The following ARHGAP25 variants were observed in gnomAD, a reference collection of about 807,000 sequenced individuals.
ARHGAP25 encodes the protein rho GTPase-activating protein 25.
A neutral mutation model predicts 71.0 loss-of-function variants in ARHGAP25; 34 were observed. The observed-to-expected ratio is 0.48, with a 90% CI of 0.36 to 0.64. The LOEUF (loss-of-function observed/expected upper bound fraction) is 0.64, where lower values mean the gene tolerates loss of function less well. ARHGAP25 is among the 30% of genes least tolerant of loss of function. ARHGAP25 has a pLI of 0.00. For synonymous variants in ARHGAP25, 282 were observed against 296.5 expected, an observed-to-expected ratio of 0.95 and a Z score of 0.50; for missense variants, 706 against 805.1, an observed-to-expected ratio of 0.88 and a Z score of 1.49.
intron 4 of ARHGAP25, among the ~76,000 whole-genome samples, chr2:68,803,987 T>G (rs989977855): frequency 6.6e-6 from 1 of 152,038 alleles, no homozygotes; most frequent in Non-Finnish European, 1.5e-5. Context: ...AGTGGCCTGA[T>G]GAAGACACGC....
intron 4 of ARHGAP25, among the ~76,000 whole-genome samples, chr2:68,791,351 C>T (rs920855043): frequency 1.3e-5 from 2 of 152,164 alleles, no homozygotes; most frequent in Admixed American, 6.5e-5. Context: ...ATTTATTAAT[C>T]GAATGGGTGA....
At chr2:68,718,449 G>A (rs1674671755) in intron 2 of ARHGAP25, among the ~76,000 whole-genome samples, 1 of 152,058 alleles carries the variant, frequency 6.6e-6, no homozygotes, top group Admixed American at 6.6e-5. Flanking sequence ...AATCCAGCAT[G>A]GCATCCCCAT....
chr2:68,814,322 G>A (rs931727025), intron 6 of ARHGAP25, among the ~76,000 whole-genome samples: 12 of 152,284 alleles, frequency 7.9e-5, no homozygotes, highest in Middle Eastern at 3.4e-3. Context: ...TATCTGCACC[G>A]TTCAATATGG....
At chr2:68,817,110 C>CT (rs201247903) in intron 7 of ARHGAP25, among the ~76,000 whole-genome samples, 1 of 131,022 alleles carries the variant, frequency 7.6e-6, no homozygotes, top group Non-Finnish European at 1.7e-5. Context: ...GGATTGTGTC[C>CT]TTTTTTTTGG....
At chr2:68,746,901 G>T (rs548963448) in intron 1 of ARHGAP25, among the ~76,000 whole-genome samples, 2 of 151,624 alleles carry the variant, frequency 1.3e-5, no homozygotes, top group South Asian at 4.2e-4. Context: ...CCACCTACTC[G>T]GGAGGCTGAG....
intron 3 of ARHGAP25, among the ~76,000 whole-genome samples, chr2:68,784,170 TCTC>T (rs1678561976): frequency 6.6e-6 from 1 of 151,960 alleles, no homozygotes; most frequent in East Asian, 1.9e-4. Flanking sequence ...GCTCTCTCTC[TCTC>T]TTTCTCTCTC....
At chr2:68,737,380 C>T (rs373293543) in intron 1 of ARHGAP25, among the ~76,000 whole-genome samples, 5 of 152,308 alleles carry the variant, frequency 3.3e-5, no homozygotes, top group South Asian at 4.1e-4. Flanking sequence ...GTGGTTTTAA[C>T]GTTTTCTCAA....
chr2:68,811,244 G>A (rs1680792920), intron 5 of ARHGAP25, among the ~76,000 whole-genome samples: 1 of 152,170 alleles, frequency 6.6e-6, no homozygotes, highest in Non-Finnish European at 1.5e-5. Flanking sequence ...GAATTGAAGG[G>A]ATTTGGAAGA....
intron 2 of ARHGAP25, among the ~76,000 whole-genome samples, chr2:68,710,991 C>G (rs1674467105): frequency 6.6e-6 from 1 of 152,170 alleles, no homozygotes; most frequent in Non-Finnish European, 1.5e-5. Context: ...CCACTTCCTC[C>G]CTGGTTGTCT....
chr2:68,802,279 G>A (rs182767932), intron 4 of ARHGAP25, among the ~76,000 whole-genome samples: 55 of 151,950 alleles, frequency 3.6e-4, no homozygotes, highest in Admixed American at 5.9e-4. Context: ...GTGGTGGCAC[G>A]TGCCTGTAGT....
rs369910003 is a variant in ARHGAP25, at chr2:68,770,509, C to A, written c.62-4712C>A. ...AGAGCAGATTATTTTGAGGGTTCAG[C>A]GGCAGAAGATGAAGAAAGGAAGTGA... On this transcript the variant is annotated intron_variant, in intron 1 of 10. Transcript: ENST00000409202. Among the ~76,000 whole-genome samples, 13 of 152,282 alleles carry A rather than the reference C, an allele frequency of 8.5e-5. No homozygotes were observed. In the South Asian group the frequency reaches 2.7e-3, roughly 32 times the overall value.
At chr2:68,769,398 A>G (rs1558624381) in intron 1 of ARHGAP25, among the ~76,000 whole-genome samples, 1 of 152,156 alleles carries the variant, frequency 6.6e-6, no homozygotes, top group South Asian at 2.1e-4. Flanking sequence ...GATGCATGTT[A>G]TTATCACAGC....
rs72901801 is a variant in ARHGAP25, at chr2:68,805,698, G to A, written c.467-1575G>A. 6.3e-3 allele frequency among the ~76,000 whole-genome samples: 966 copies of A among 152,228 alleles called. 8 individuals carry two copies. Among genetic ancestry groups the A allele is most frequent in the African/African-American group, 0.02 (835 of 41,550 alleles). ...CCTACGCTGGGTAGTGGGTAGGAGC[G>A]GAAAAGAACATGAGGGTCAAGAGCC... On this transcript the variant is annotated intron_variant, in intron 4 of 10. Coordinates refer to ENST00000409202, the MANE Select transcript of ARHGAP25 (RefSeq NM_001007231.3).
At chr2:68,757,961 A>G (rs1676581548) in intron 1 of ARHGAP25, among the ~76,000 whole-genome samples, 1 of 152,058 alleles carries the variant, frequency 6.6e-6, no homozygotes, top group East Asian at 1.9e-4. Context: ...TCTGCAACTT[A>G]AAGGGGTGGG....
At chr2:68,788,975 A>G (rs531489823) in intron 4 of ARHGAP25, among the ~76,000 whole-genome samples, 2 of 152,222 alleles carry the variant, frequency 1.3e-5, no homozygotes, top group South Asian at 4.1e-4. Flanking sequence ...TACTGTTTAC[A>G]TCTACACACT....
chr2:68,734,718 T>C (rs1032745052), upstream of ARHGAP25: 1 of 158,094 alleles, frequency 6.3e-6, no homozygotes, highest in Non-Finnish European at 1.4e-5. Flanking sequence ...TAATGTATCA[T>C]CTTCACTGAA....
At chr2:68,718,538 TG>T (rs1674674449) in intron 2 of ARHGAP25, among the ~76,000 whole-genome samples, 1 of 151,966 alleles carries the variant, frequency 6.6e-6, no homozygotes, top group Non-Finnish European at 1.5e-5. Flanking sequence ...TAAGTGTGTG[TG>T]TGTGTGTGTG....
intron 1 of ARHGAP25, among the ~76,000 whole-genome samples, chr2:68,750,271 CAAGTGGTGGG>C (rs1277420344): frequency 2.0e-5 from 3 of 151,782 alleles, no homozygotes; most frequent in Non-Finnish European, 4.4e-5. Context: ...TTGGCCTCCC[CAAGTGGTGGG>C]ATGACAGACA....
At chr2:68,730,890 G>A (rs10175092), upstream of ARHGAP25, among the ~76,000 whole-genome samples, 222 of 152,042 alleles carry the variant, frequency 1.5e-3, 2 homozygotes, top group South Asian at 9.1e-3. Flanking sequence ...CCTGACTATT[G>A]TCTCATGGGT....
Sources: gnomAD v4.1 joint callset for allele counts (sites outside exome capture counted in the v4.1 genomes callset) on GRCh38, gnomAD v4.1.1 for gene constraint, MANE v1.5 for transcripts, NCBI Gene and HGNC (gene_info 2026-07-23, HGNC 2026-07-21) for gene names.